PARK7: variants seen among roughly 807,000 people sequenced by gnomAD.
The protein encoded by PARK7 is Parkinsonism associated deglycase.
Under a neutral mutation model 20.5 loss-of-function variants are expected in PARK7, and 14 were observed. The observed-to-expected ratio is 0.68, with a 90% confidence interval of 0.45 to 1.07. PARK7 has a LOEUF of 1.07. Ranked by LOEUF, PARK7 falls within the 50% of genes least tolerant of loss-of-function variation. The pLI is 0.00. For synonymous variants in PARK7, 98 were observed against 84.3 expected, an observed-to-expected ratio of 1.16 and a Z score of -0.89; for missense variants, 234 against 238.1, an observed-to-expected ratio of 0.98 and a Z score of 0.11.
At chr1:7,970,297 T>C (rs916275330) in intron 4 of PARK7, among the ~76,000 whole-genome samples, 5 of 152,354 alleles carry the variant, frequency 3.3e-5, no homozygotes, top group East Asian at 1.9e-4. Context: ...TTGGTTTTTT[T>C]CCACCAGCAG....
intron 3 of PARK7, among the ~76,000 whole-genome samples, chr1:7,968,645 A>G (rs975397831): frequency 9.9e-5 from 15 of 152,190 alleles, no homozygotes; most frequent in Admixed American, 5.9e-4. Flanking sequence ...CCCCCCAAGT[A>G]GATGGGACCA....
chr1:7,974,396 G>A (rs888621409), intron 5 of PARK7, among the ~76,000 whole-genome samples: 9 of 152,004 alleles, frequency 5.9e-5, no homozygotes, highest in African/African-American at 9.7e-5. Context: ...TTGGGAGGCC[G>A]AGGCGTGCGG....
At chr1:7,964,265 TGTC>T (rs1640277994) in intron 2 of PARK7, among the ~76,000 whole-genome samples, 1 of 152,168 alleles carries the variant, frequency 6.6e-6, no homozygotes, top group Admixed American at 6.6e-5. Flanking sequence ...CTTACAACAA[TGTC>T]GTGAGTTAGA....
At chr1:7,977,879 C>T (rs1424023939) in intron 6 of PARK7, 141 bp downstream of exon 6, 4 of 713,006 alleles carry the variant, frequency 5.6e-6, no homozygotes, top group Middle Eastern at 3.8e-4. Context: ...TCTCTCTCAG[C>T]CTCCTGAGTA....
At position 7,985,095 on chromosome 1, in the gene PARK7, A is replaced by T. The variant is rs770218250; in HGVS notation, c.*41A>T. ...CGATCACTTAGAGAAACAGGCCGTT[A>T]GGAATCCATTCTCACTGTGTTCGCT... On this transcript the variant is annotated 3_prime_UTR_variant, in exon 7 of 7. Coordinates refer to ENST00000338639, the MANE Select transcript of PARK7 (RefSeq NM_007262.5). The T allele has an allele frequency of 1.9e-6, 3 of 1,603,196 alleles. No individual in the cohort carries two copies. The highest frequency in any genetic ancestry group is 4.0e-4 in the Middle Eastern group (2 of 5,034).
intron 2 of PARK7, among the ~76,000 whole-genome samples, chr1:7,964,003 TG>T (rs1489630163): frequency 1.3e-5 from 2 of 151,862 alleles, no homozygotes; most frequent in African/African-American, 4.8e-5. Context: ...TTTTAGTAGA[TG>T]GGGTTTCACC....
At chr1:7,968,254 G>C (rs1373356601) in intron 3 of PARK7, among the ~76,000 whole-genome samples, 1 of 143,656 alleles carries the variant, frequency 7.0e-6, no homozygotes, top group Non-Finnish European at 1.5e-5. Context: ...GTTGCAGTGA[G>C]CTGAGATCAC....
At chr1:7,962,309 C>G (rs370951008) in intron 1 of PARK7, among the ~76,000 whole-genome samples, 1 of 151,994 alleles carries the variant, frequency 6.6e-6, no homozygotes, top group Non-Finnish European at 1.5e-5. Context: ...AACAAAAATC[C>G]CCTCCAAAAA....
At chr1:7,962,710 C>G in intron 1 of PARK7, 53 bp from the exon 2 acceptor site, 1 of 1,188,052 alleles carries the variant, frequency 8.4e-7, no homozygotes, top group Non-Finnish European at 1.2e-6. Flanking sequence ...TTTGGGGTAT[C>G]TCAGGGTTGC....
chr1:7,962,685 T>C, intron 1 of PARK7, 78 bp from the exon 2 acceptor site: 1 of 879,982 alleles, frequency 1.1e-6, no homozygotes, highest in Non-Finnish European at 1.8e-6. Flanking sequence ...TTGAAAATGC[T>C]CCTAAACTTT....
At chr1:7,976,831 C>T (rs1414842712) in intron 5 of PARK7, among the ~76,000 whole-genome samples, 3 of 152,344 alleles carry the variant, frequency 2.0e-5, no homozygotes, top group Non-Finnish European at 2.9e-5. Flanking sequence ...CCCCATTCTC[C>T]TGCCTCAGCC....
intron 5 of PARK7, among the ~76,000 whole-genome samples, chr1:7,974,225 G>A (rs1463666527): frequency 6.6e-6 from 1 of 151,828 alleles, no homozygotes; most frequent in African/African-American, 2.4e-5. Context: ...AGGAGGCTGA[G>A]GTGGGAGGAT....
At chr1:7,962,066 C>T (rs1478568350) in intron 1 of PARK7, 1 of 152,340 alleles carries the variant, frequency 6.6e-6, no homozygotes, top group Non-Finnish European at 1.5e-5. Flanking sequence ...TTATTAAACT[C>T]TGTTTTGCGT....
At chr1:7,970,652 T>G (rs1036805311) in intron 4 of PARK7, among the ~76,000 whole-genome samples, 1 of 152,230 alleles carries the variant, frequency 6.6e-6, no homozygotes, top group Non-Finnish European at 1.5e-5. Flanking sequence ...TCAAATTGCT[T>G]CTTCTGATCT....
intron 2 of PARK7, 123 bp from the exon 3 acceptor site, chr1:7,965,201 C>G: frequency 1.2e-6 from 1 of 830,534 alleles, no homozygotes; most frequent in Non-Finnish European, 2.0e-6. Context: ...ATGATTGTGT[C>G]ACTGCCCTCT....
chr1:7,980,732 C>A (rs1448827856), intron 6 of PARK7, among the ~76,000 whole-genome samples: 7 of 152,322 alleles, frequency 4.6e-5, no homozygotes, highest in African/African-American at 9.6e-5. Flanking sequence ...CAGGACACTT[C>A]GAGAGGTAGG....
Position 7,985,343 on chromosome 1 carries a change from AT to A in PARK7, c.*292del. 2.4e-6 allele frequency: 1 copy of A among 418,562 alleles called. No homozygotes were observed. Among genetic ancestry groups the A allele is most frequent in the Non-Finnish European group, 4.5e-6 (1 of 222,810 alleles). 25.9% of individuals were successfully genotyped at this position (418,562 alleles called of 1,614,324 possible). ...TGAAATTAAATTCCGTATCACCTTC[AT>A]TTGCAGCTCTTAACTGTCCATATGG... On this transcript the variant is annotated 3_prime_UTR_variant, in exon 7 of 7. Coordinates refer to ENST00000338639, the MANE Select transcript of PARK7 (RefSeq NM_007262.5).
intron 6 of PARK7, among the ~76,000 whole-genome samples, chr1:7,978,646 C>T (rs1640640113): frequency 6.6e-6 from 1 of 152,082 alleles, no homozygotes; most frequent in African/African-American, 2.4e-5. Context: ...AGTTCGAGAC[C>T]AGCCTGGGCA....
intron 6 of PARK7, among the ~76,000 whole-genome samples, chr1:7,980,085 C>T (rs112703781): frequency 6.8e-6 from 1 of 147,728 alleles, no homozygotes; most frequent in Non-Finnish European, 1.5e-5. Context: ...GGCGTGAACC[C>T]AAGAGGTGGA....
Sources: allele counts gnomAD v4.1 joint callset (sites outside exome capture counted in the v4.1 genomes callset), GRCh38; gene constraint gnomAD v4.1.1; transcripts MANE v1.5; gene names NCBI Gene and HGNC (gene_info 2026-07-23, HGNC 2026-07-21).